The following SPIDR variants were observed in gnomAD, a reference collection of about 807,000 sequenced individuals.
The protein encoded by SPIDR is DNA repair-scaffolding protein.
A neutral mutation model predicts 104.6 loss-of-function variants in SPIDR; 93 were observed. The observed-to-expected ratio is 0.89, with a 90% CI of 0.75 to 1.06. The LOEUF (loss-of-function observed/expected upper bound fraction) is 1.06. SPIDR is among the 50% of genes least tolerant of loss of function. The probability of loss-of-function intolerance (pLI) is 0.00; values close to 1 mark genes in which losing one functional copy is unlikely to be tolerated. For missense variants in SPIDR, 1,154 were observed against 1,111.2 expected (o/e 1.04, Z -0.55); for synonymous variants, 431 against 416.9 (o/e 1.03, Z -0.41).
At chr8:47,550,394 A>G (rs1276747767) in intron 8 of SPIDR, among the ~76,000 whole-genome samples, 2 of 152,194 alleles carry the variant, frequency 1.3e-5, no homozygotes, top group East Asian at 1.9e-4. Flanking sequence ...CTTCCTATCC[A>G]TGAGCATGGA....
intron 5 of SPIDR, among the ~76,000 whole-genome samples, chr8:47,369,037 G>A (rs2057640030): frequency 1.3e-5 from 2 of 152,196 alleles, no homozygotes; most frequent in South Asian, 4.1e-4. Flanking sequence ...ACAAACTTTA[G>A]AAGGTAGCCA....
At chr8:47,635,685 G>A (rs540583413) in intron 10 of SPIDR, among the ~76,000 whole-genome samples, 37 of 152,112 alleles carry the variant, frequency 2.4e-4, no homozygotes, top group African/African-American at 8.7e-4. Context: ...CTATGAATAG[G>A]CAGTGCACTC....
intron 10 of SPIDR, among the ~76,000 whole-genome samples, chr8:47,623,253 G>A (rs1436031628): frequency 6.6e-6 from 1 of 152,126 alleles, no homozygotes; most frequent in Non-Finnish European, 1.5e-5. Context: ...ACATGGAAAG[G>A]AACATCTGGT....
chr8:47,393,644 T>A (rs1388625795), intron 5 of SPIDR, among the ~76,000 whole-genome samples: 1 of 151,588 alleles, frequency 6.6e-6, no homozygotes, highest in Non-Finnish European at 1.5e-5. Flanking sequence ...TCTTTTCTTT[T>A]CTCTTTTCTC....
At chr8:47,577,845 C>G (rs2059294792) in intron 8 of SPIDR, among the ~76,000 whole-genome samples, 1 of 152,138 alleles carries the variant, frequency 6.6e-6, no homozygotes, top group Non-Finnish European at 1.5e-5. Context: ...GAATCAAAGT[C>G]TGGAGGTGGG....
chr8:47,397,273 G>A (rs1554659142), intron 6 of SPIDR, among the ~76,000 whole-genome samples: 1 of 152,138 alleles, frequency 6.6e-6, no homozygotes, highest in Non-Finnish European at 1.5e-5. Context: ...CGAGGTGGGT[G>A]GATCACAAGG....
intron 10 of SPIDR, among the ~76,000 whole-genome samples, chr8:47,661,741 T>A (rs1440600911): frequency 6.6e-6 from 1 of 152,184 alleles, no homozygotes; most frequent in Non-Finnish European, 1.5e-5. Flanking sequence ...TCTCTATAGA[T>A]ACACAAAGAT....
At chr8:47,297,448 T>A (rs1011533131) in intron 5 of SPIDR, among the ~76,000 whole-genome samples, 15 of 152,268 alleles carry the variant, frequency 9.9e-5, no homozygotes, top group Non-Finnish European at 1.5e-4. Context: ...ACATGCTTTT[T>A]CCATATCTAT....
chr8:47,627,745 A>G (rs916758856), intron 10 of SPIDR, among the ~76,000 whole-genome samples: 1 of 151,870 alleles, frequency 6.6e-6, no homozygotes, highest in Non-Finnish European at 1.5e-5. Flanking sequence ...CACTCTGTTC[A>G]GTAAACAAGT....
intron 10 of SPIDR, among the ~76,000 whole-genome samples, chr8:47,666,865 AAG>A (rs1338766947): frequency 6.6e-6 from 1 of 152,254 alleles, no homozygotes; most frequent in Non-Finnish European, 1.5e-5. Flanking sequence ...TGGATCAAAA[AAG>A]AAATAATGAC....
At chr8:47,311,449 T>G (rs1215941802) in intron 5 of SPIDR, among the ~76,000 whole-genome samples, 1 of 152,132 alleles carries the variant, frequency 6.6e-6, no homozygotes, top group African/African-American at 2.4e-5. Context: ...TTGAAGAAGT[T>G]CAGTGAATTC....
intron 7 of SPIDR, among the ~76,000 whole-genome samples, chr8:47,426,227 C>G (rs1224676850): frequency 1.3e-5 from 2 of 152,074 alleles, no homozygotes; most frequent in Non-Finnish European, 2.9e-5. Context: ...GCACTACAGC[C>G]TGGGCAACAG....
chr8:47,351,493 G>T (rs1554622364), intron 5 of SPIDR, among the ~76,000 whole-genome samples: 1 of 152,186 alleles, frequency 6.6e-6, no homozygotes, highest in East Asian at 1.9e-4. Flanking sequence ...CTCATTGCAG[G>T]CTGGAGTATG....
intron 6 of SPIDR, among the ~76,000 whole-genome samples, chr8:47,402,033 T>G (rs572234419): frequency 6.6e-6 from 1 of 152,310 alleles, no homozygotes; most frequent in South Asian, 2.1e-4. Flanking sequence ...GAATATACAT[T>G]CTTCTCAGCA....
chr8:47,445,853 G>A (rs782019785), intron 8 of SPIDR, among the ~76,000 whole-genome samples: 5 of 152,192 alleles, frequency 3.3e-5, no homozygotes, highest in Non-Finnish European at 7.3e-5. Flanking sequence ...AATCCAGAGC[G>A]AAACCCTAAC....
At position 47,680,345 on chromosome 8, in the gene SPIDR, C is replaced by G. The variant is rs183584411; in HGVS notation, c.1685+6404C>G. On this transcript the variant is annotated intron_variant, in intron 11 of 19. Coordinates refer to ENST00000297423, the MANE Select transcript of SPIDR (RefSeq NM_001080394.4). ...CTGAGATAGAGGTGGGGTGACTGGC[C>G]CAGGGTCCACCAGCCAGCCCAGCTG... Among the ~76,000 whole-genome samples, 5 of 152,276 alleles carry G rather than the reference C, an allele frequency of 3.3e-5. No homozygotes were observed. The East Asian group carries it at 9.6e-4, about 29-fold the overall frequency.
At chr8:47,369,883 T>C (rs1357095185) in intron 5 of SPIDR, among the ~76,000 whole-genome samples, 1 of 152,206 alleles carries the variant, frequency 6.6e-6, no homozygotes, top group Non-Finnish European at 1.5e-5. Flanking sequence ...TAATTTCCAA[T>C]GGTGACTTTC....
intron 12 of SPIDR, 147 bp from the exon 13 acceptor site, chr8:47,701,574 T>C: frequency 2.8e-6 from 2 of 725,206 alleles, no homozygotes; most frequent in Non-Finnish European, 4.5e-6. Context: ...AAGTAAACAA[T>C]GCAATCCATT....
chr8:47,442,492 T>C (rs1372229473), intron 8 of SPIDR, among the ~76,000 whole-genome samples: 14 of 152,222 alleles, frequency 9.2e-5, no homozygotes, highest in African/African-American at 3.4e-4. Context: ...TTAAAGGTAG[T>C]GTCTGGCAGG....
Sources: allele counts gnomAD v4.1 joint callset (sites outside exome capture counted in the v4.1 genomes callset), GRCh38; gene constraint gnomAD v4.1.1; transcripts MANE v1.5; gene names NCBI Gene and HGNC (gene_info 2026-07-23, HGNC 2026-07-21).